Variants in MYO18A observed in about 807,000 individuals in gnomAD.
MYO18A encodes the protein unconventional myosin-XVIIIa.
Under a neutral mutation model 235.8 loss-of-function variants are expected in MYO18A, and 78 were observed. The ratio of observed to expected loss-of-function variants is 0.33; its 90% CI spans 0.28 to 0.40. The LOEUF is 0.40. MYO18A is among the 10% of genes least tolerant of loss of function. The pLI is 1.00. For missense variants in MYO18A, 2,215 were observed against 2,699.3 expected, an observed-to-expected ratio of 0.82 and a Z score of 3.98; for synonymous variants, 977 against 1,077.8, an observed-to-expected ratio of 0.91 and a Z score of 1.83.
At position 29,140,489 on chromosome 17, in the gene MYO18A, T is replaced by A; in HGVS notation, c.1000-18236A>T. ...CCTCCCGTCCCGAGCTGCCCAGCCCTAGTTGGAGCCAGCAGCCCGGAGGAC... is the reference window on the plus strand; with the variant it reads ...CCTCCCGTCCCGAGCTGCCCAGCCCAAGTTGGAGCCAGCAGCCCGGAGGAC... On this transcript the variant is annotated intron_variant, in intron 2 of 41. Coordinates refer to ENST00000527372, the MANE Select transcript of MYO18A (RefSeq NM_078471.4). The surrounding 1 kb of genome is among the most constrained non-coding windows in gnomAD (Gnocchi z 4.2). 1.8e-6 allele frequency: 2 copies of A among 1,130,032 alleles called. No individual in the cohort carries two copies. The highest frequency in any genetic ancestry group is 2.2e-6 in the Non-Finnish European group (2 of 893,026). 70.0% of individuals were successfully genotyped at this position (1,130,032 alleles called of 1,614,324 possible).
rs767048813 is a variant in MYO18A at position 29,090,874 on chromosome 17, C to T, written c.5240G>A (p.Arg1747Gln). The T allele has an allele frequency of 2.7e-5, 43 of 1,613,930 alleles. No individual in the cohort carries two copies. In the South Asian group the frequency reaches 3.4e-4, roughly 13 times the overall value. The change falls in exon 35 of 42, where the codon CGG becomes CAG. Residue 1747 changes from arginine (R) to glutamine (Q), a missense_variant. Transcript: ENST00000527372. ...LQREKNEIQN[R>Q]LEEDQEDMNE... is the part of the protein sequence containing the mutation. ...CATGTCTTCCTGATCTTCCTCCAGCCGGTTCTGGATCTCATTCTTCTCACG... is the reference window on the plus strand; with the variant it reads ...CATGTCTTCCTGATCTTCCTCCAGCTGGTTCTGGATCTCATTCTTCTCACG...
chr17:29,086,799 GCTC>G, intron 38 of MYO18A, 134 bp downstream of exon 38: 1 of 1,197,210 alleles, frequency 8.4e-7, no homozygotes, highest in Non-Finnish European at 1.1e-6. Context: ...CTCTTGATAT[GCTC>G]CTCCTCCCTC....
chr17:29,131,468 T>C (rs1039334507), intron 2 of MYO18A: 2 of 984,314 alleles, frequency 2.0e-6, no homozygotes, highest in African/African-American at 3.5e-5. Flanking sequence ...AAGAAGTCAC[T>C]GGCAGGTCAA....
In MYO18A at chr17:29,094,686, C is replaced by T; in HGVS notation, c.4674G>A (p.Leu1558=). 6.2e-7 allele frequency: 1 copy of T among 1,614,086 alleles called. No homozygotes were observed. The highest frequency in any genetic ancestry group is 8.5e-7 in the Non-Finnish European group (1 of 1,179,910). Residue 1558 remains leucine (L), a synonymous_variant, in exon 30 of 42, where the codon CTG becomes CTA. Coordinates refer to ENST00000527372, the MANE Select transcript of MYO18A (RefSeq NM_078471.4). ...EAKVKDQEEE[L]DEQAGTIQML... ...TCTGGATGGTCCCTGCCTGCTCATCCAGCTCTTCTTCCTGATCCTTGACTT... is the reference window on the plus strand; with the variant it reads ...TCTGGATGGTCCCTGCCTGCTCATCTAGCTCTTCTTCCTGATCCTTGACTT...
chr17:29,103,489 C>A (rs1349340745), intron 21 of MYO18A, 110 bp downstream of exon 21: 2 of 1,113,884 alleles, frequency 1.8e-6, no homozygotes, highest in Admixed American at 1.9e-5. Context: ...TCAGAGGGCA[C>A]CAGGAGACTG....
In MYO18A at chr17:29,111,586, G is replaced by A. The variant is rs747919740; in HGVS notation, c.2741-3C>T. ...GCTGTGCAGAAGGGGGCTTTGGCCT[G>A]ATGGTGGGAGAAGCAAGATTTAGGT... On this transcript the variant is annotated splice_polypyrimidine_tract_variant and splice_region_variant and intron_variant, in intron 16 of 41. Transcript: ENST00000527372. The surrounding 1 kb of genome is among the most constrained non-coding windows in gnomAD (Gnocchi z 5.1). 2.5e-5 allele frequency: 40 copies of A among 1,613,730 alleles called. No homozygotes were observed. Among genetic ancestry groups the A allele is most frequent in the Non-Finnish European group, 3.3e-5 (39 of 1,179,832 alleles).
chr17:29,146,117 G>C (rs1261311789), intron 2 of MYO18A, among the ~76,000 whole-genome samples: 1 of 152,122 alleles, frequency 6.6e-6, no homozygotes, highest in Non-Finnish European at 1.5e-5. Context: ...AATTAGCCAG[G>C]CGTGGTGGCA....
rs1416223388 is a variant in MYO18A at position 29,121,766 on chromosome 17, C to T, written c.1195-43G>A. 2 of 1,598,448 alleles carry T rather than the reference C, an allele frequency of 1.3e-6. No homozygotes were observed. Among genetic ancestry groups the T allele is most frequent in the Non-Finnish European group, 1.7e-6 (2 of 1,171,036 alleles). ...CGGGTGGGTATTAGAGCAGCAGAGC[C>T]CATCTCCGCTGCCAGAGGATGGGCC... is the stretch of plus-strand genomic sequence containing the variant. On this transcript the variant is annotated intron_variant, in intron 4 of 41. Transcript: ENST00000527372. The surrounding 1 kb of genome is among the most constrained non-coding windows in gnomAD (Gnocchi z 4.2).
intron 35 of MYO18A, 61 bp downstream of exon 35, chr17:29,090,749 T>C: frequency 6.4e-7 from 1 of 1,553,820 alleles, no homozygotes; most frequent in African/African-American, 1.4e-5. Context: ...GGGGGACCCA[T>C]GAGGAGGACC....
intron 2 of MYO18A, among the ~76,000 whole-genome samples, chr17:29,128,821 A>G (rs1052101634): frequency 1.3e-5 from 2 of 152,162 alleles, no homozygotes; most frequent in Non-Finnish European, 2.9e-5. Flanking sequence ...CTTAGCATGG[A>G]CCTGTGAGAT....
chr17:29,083,522 G>GCACACACACACACACACACACACA (rs1555622320), intron 40 of MYO18A, among the ~76,000 whole-genome samples: 28 of 124,938 alleles, frequency 2.2e-4, no homozygotes, highest in Admixed American at 1.0e-3. Flanking sequence ...AGGCATGTGT[G>GCACACACACACACACACACACACA]CGCGCGCGCG....
chr17:29,171,747 T>C (rs2068409094), intron 1 of MYO18A, among the ~76,000 whole-genome samples: 1 of 151,694 alleles, frequency 6.6e-6, no homozygotes, highest in Non-Finnish European at 1.5e-5. Flanking sequence ...ATACAAAAAA[T>C]TATCTGGATG....
intron 2 of MYO18A, among the ~76,000 whole-genome samples, chr17:29,159,428 G>A (rs1161808248): frequency 6.6e-6 from 1 of 151,996 alleles, no homozygotes; most frequent in Non-Finnish European, 1.5e-5. Context: ...CTGAAGCTTT[G>A]GCACAAAATG....
chr17:29,173,474 G>A lies in MYO18A; in HGVS notation c.-81-6453C>T, dbSNP rs1319425013. On this transcript the variant is annotated intron_variant, in intron 1 of 41. Coordinates refer to ENST00000527372, the MANE Select transcript of MYO18A (RefSeq NM_078471.4). ...ACGATCTCTGCTCACTGCAAGCTCC[G>A]CCTCCCGGGTTCACGCCATTCTCCT... Among the ~76,000 whole-genome samples the A allele has an allele frequency of 4.1e-5, 6 of 147,548 alleles. No homozygotes were observed. The East Asian group carries it at 1.0e-3, about 25-fold the overall frequency.
chr17:29,088,319 G>C (rs968738525), intron 37 of MYO18A, among the ~76,000 whole-genome samples: 8 of 151,772 alleles, frequency 5.3e-5, no homozygotes, highest in African/African-American at 1.9e-4. Flanking sequence ...CTCCAAAAGT[G>C]CTGGGATTAC....
intron 2 of MYO18A, among the ~76,000 whole-genome samples, chr17:29,136,721 A>C (rs1223116345): frequency 6.6e-6 from 1 of 152,216 alleles, no homozygotes; most frequent in Non-Finnish European, 1.5e-5. Flanking sequence ...TCTGCCTCCA[A>C]AGCCTGTGCT....
chr17:29,120,742 A>C lies in MYO18A; in HGVS notation c.1602T>G (p.Ala534=). Residue 534 remains alanine, a synonymous_variant, in exon 7 of 42, where the codon GCT becomes GCG. Transcript: ENST00000527372. This position sits in a 1 kb window ranked among gnomAD's most constrained non-coding sequence, Gnocchi z 4.2. ...NKVFSVEKWQ[A]LYTLLEAFGN... is the part of the protein sequence containing the mutation. ...CAAAGGCTTCCAGGAGGGTGTACAG[A>C]GCCTGCCACTTCTCCACTGCAGAAT... 1.2e-6 allele frequency: 2 copies of C among 1,613,566 alleles called. No individual in the cohort carries two copies. The highest frequency in any genetic ancestry group is 1.7e-6 in the Non-Finnish European group (2 of 1,179,700).
chr17:29,120,505 T>A lies in MYO18A; in HGVS notation c.1728+111A>T. ...AACCCTGCCCATGCCTGGGTCAATT[T>A]TGTTAGGGTAGAATCCCAGGAAAAT... On this transcript the variant is annotated intron_variant, in intron 7 of 41. Transcript: ENST00000527372. The surrounding 1 kb of genome is among the most constrained non-coding windows in gnomAD (Gnocchi z 4.2). 2 of 1,399,068 alleles carry A rather than the reference T, an allele frequency of 1.4e-6. No homozygotes were observed. The highest frequency in any genetic ancestry group is 1.9e-6 in the Non-Finnish European group (2 of 1,039,780). The allele number at this position is 1,399,068 out of a possible 1,614,324, so 86.7% of individuals were successfully genotyped here.
In MYO18A at chr17:29,158,609, C is replaced by T. The variant is rs1440232166; in HGVS notation, c.999+7333G>A. Among the ~76,000 whole-genome samples, 3 of 152,186 alleles carry T rather than the reference C, an allele frequency of 2.0e-5. No individual in the cohort carries two copies. Among genetic ancestry groups the T allele is most frequent in the Non-Finnish European group, 4.4e-5 (3 of 68,038 alleles). On this transcript the variant is annotated intron_variant, in intron 2 of 41. Coordinates refer to ENST00000527372, the MANE Select transcript of MYO18A (RefSeq NM_078471.4). The surrounding 1 kb of genome is among the most constrained non-coding windows in gnomAD (Gnocchi z 4.3). ...GACTGACAATGGAGGCGCCAGGCTG[C>T]CTGCCCAGGCAGCAGGGGAGCCCTC...
Sources: allele counts gnomAD v4.1 joint callset (sites outside exome capture counted in the v4.1 genomes callset), GRCh38; gene constraint gnomAD v4.1.1; non-coding constraint Gnocchi (gnomAD v3.1); transcripts MANE v1.5; gene names NCBI Gene and HGNC (gene_info 2026-07-23, HGNC 2026-07-21).